The following BDP1 variants were observed in gnomAD, a reference collection of about 807,000 sequenced individuals.
The protein encoded by BDP1 is transcription factor TFIIIB component B'' homolog.
A neutral mutation model predicts 266.6 loss-of-function variants in BDP1; 169 were observed. That is an observed-to-expected ratio of 0.63 (90% CI 0.56 to 0.72). BDP1 has a LOEUF of 0.72. Among genes scored for constraint, BDP1 ranks in the 30% least tolerant of loss-of-function variants. The pLI, the probability that BDP1 is intolerant of heterozygous loss-of-function variation, is 0.00. For missense variants in BDP1, 3,015 were observed against 3,053.8 expected (o/e 0.99, Z 0.30); for synonymous variants, 1,090 against 1,022.4 (o/e 1.07, Z -1.26).
At chr5:71,460,474 G>T (rs1761482439) in intron 2 of BDP1, among the ~76,000 whole-genome samples, 1 of 152,068 alleles carries the variant, frequency 6.6e-6, no homozygotes, top group Admixed American at 6.6e-5. Flanking sequence ...ATGCCTCTTA[G>T]TTTTTTTTAA....
chr5:71,503,252 G>A (rs1464650840), intron 15 of BDP1, among the ~76,000 whole-genome samples: 5 of 152,104 alleles, frequency 3.3e-5, no homozygotes, highest in Non-Finnish European at 7.3e-5. Context: ...CTCCCAAAGT[G>A]CTAGGATTAC....
chr5:71,467,436 A>G lies in BDP1; in HGVS notation c.868A>G (p.Thr290Ala), dbSNP rs1168322805. The change falls in exon 6 of 39, where the codon ACA becomes GCA. Residue 290 changes from threonine (T) to alanine (A), a missense_variant. Thr to Ala is a moderately conservative substitution (Grantham distance 58, BLOSUM62 0). Transcript: ENST00000358731. The part of the protein sequence containing the change: ...DPIFERGSTT[T>A]YSSFRKNYYS... ...CATATTTGAGCGCGGTTCTACAACT[A>G]CATACTCCAGCTTTAGGAAAAACTA... is the stretch of plus-strand genomic sequence containing the variant. The G allele has an allele frequency of 7.5e-6, 12 of 1,610,474 alleles. No homozygotes were observed. The highest frequency in any genetic ancestry group is 1.0e-5 in the Non-Finnish European group (12 of 1,176,830).
In BDP1 at chr5:71,513,231, C is replaced by G; in HGVS notation, c.4294C>G (p.Pro1432Ala). The G allele has an allele frequency of 6.2e-7, 1 of 1,613,808 alleles. No individual in the cohort carries two copies. The highest frequency in any genetic ancestry group is 8.5e-7 in the Non-Finnish European group (1 of 1,180,000). ...GAAGCCACTTGAAATTAAACCAGCA[C>G]CTTTTGTGAGGAGCCGATTCAAAAG... ...EQKPLEIKPA[P>A]FVRSRFKRPK... Residue 1432 changes from proline to alanine, a missense_variant, in exon 19 of 39, where the codon CCT (proline) becomes GCT (alanine). Physicochemically the swap from Pro to Ala is conservative, Grantham distance 27 (BLOSUM62 -1). Coordinates refer to ENST00000358731, the MANE Select transcript of BDP1 (RefSeq NM_018429.3).
intron 4 of BDP1, among the ~76,000 whole-genome samples, chr5:71,464,810 C>G (rs1054989259): frequency 6.6e-5 from 10 of 150,568 alleles, no homozygotes; most frequent in Non-Finnish European, 1.0e-4. Context: ...CCTCTGCCTC[C>G]CGGGTTCAAG....
At chr5:71,477,784 A>C (rs1762683886) in intron 7 of BDP1, among the ~76,000 whole-genome samples, 1 of 151,068 alleles carries the variant, frequency 6.6e-6, no homozygotes, top group Non-Finnish European at 1.5e-5. Flanking sequence ...ATGCCCACCT[A>C]ATTTTTCTAT....
At position 71,486,607 on chromosome 5, in the gene BDP1, AACC is replaced by A; in HGVS notation, c.1196_1198del (p.Pro399del). 1 of 1,528,058 alleles carries A rather than the reference AACC, an allele frequency of 6.5e-7. No homozygotes were observed. Among genetic ancestry groups the A allele is most frequent in the Non-Finnish European group, 8.7e-7 (1 of 1,151,014 alleles). 94.7% of individuals were successfully genotyped at this position (1,528,058 alleles called of 1,614,324 possible). On this transcript the variant is annotated inframe_deletion, in exon 9 of 39. Coordinates refer to ENST00000358731, the MANE Select transcript of BDP1 (RefSeq NM_018429.3). ...AGTTTAAAGGAGAAGAAATCCACCA[AACC>A]ACGGAAAAATGTAAAAGGTATTGAT...
At chr5:71,563,014 T>G in intron 38 of BDP1, 1 of 522,740 alleles carries the variant, frequency 1.9e-6, no homozygotes, top group Non-Finnish European at 2.8e-6. Flanking sequence ...AGCATGAGCC[T>G]TTGGAAGGGG....
In BDP1 at chr5:71,510,465, A is replaced by G; in HGVS notation, c.3373A>G (p.Ile1125Val). The G allele has an allele frequency of 3.1e-6, 5 of 1,613,676 alleles. No homozygotes were observed. The highest frequency in any genetic ancestry group is 4.2e-6 in the Non-Finnish European group (5 of 1,179,910). ...AGATTTGAAAGCAACCGGAAGGGAG[A>G]TTTCCCCAAGGGAGAAGACACCAGA... ...QTDLKATGRE[I>V]SPREKTPEVI... The change falls in exon 17 of 39, where the codon ATT becomes GTT. Residue 1125 changes from isoleucine to valine, a missense_variant. Ile to Val is a conservative substitution (Grantham distance 29, BLOSUM62 3). Coordinates refer to ENST00000358731, the MANE Select transcript of BDP1 (RefSeq NM_018429.3).
chr5:71,524,968 C>T (rs1361420439), intron 25 of BDP1, among the ~76,000 whole-genome samples: 9 of 151,654 alleles, frequency 5.9e-5, no homozygotes, highest in Admixed American at 5.3e-4. Flanking sequence ...CACAGATCAA[C>T]AGGATCCCAA....
rs1743500303 is a variant in BDP1 at position 71,559,831 on chromosome 5, T to C, written c.7241-151T>C. ...TATTAACCAATTATAATATTCTTAATAATCCAAGTAACTCCACTAATGATA... is the reference window on the plus strand; with the variant it reads ...TATTAACCAATTATAATATTCTTAACAATCCAAGTAACTCCACTAATGATA... On this transcript the variant is annotated intron_variant, in intron 36 of 38. Transcript: ENST00000358731. The C allele has an allele frequency of 4.2e-6, 3 of 714,988 alleles. No homozygotes were observed. The East Asian group carries it at 8.1e-5, about 19-fold the overall frequency. 44.3% of individuals were successfully genotyped at this position (714,988 alleles called of 1,614,324 possible).
intron 4 of BDP1, among the ~76,000 whole-genome samples, chr5:71,465,705 A>G (rs1245501015): frequency 6.6e-6 from 1 of 152,080 alleles, no homozygotes; most frequent in African/African-American, 2.4e-5. Flanking sequence ...ACATCGTGAA[A>G]ACCCGTCTCT....
chr5:71,545,140 G>A lies in BDP1; in HGVS notation c.6665G>A (p.Gly2222Asp), dbSNP rs748579127. 1.2e-6 allele frequency: 2 copies of A among 1,613,868 alleles called. No homozygotes were observed. The highest frequency in any genetic ancestry group is 1.7e-6 in the Non-Finnish European group (2 of 1,179,924). ...TGPCTLGLDR[G>D]LGENSVEEPQ... is the part of the protein sequence containing the mutation. ...CCCTGCACACTTGGTTTGGATAGGG[G>A]TCTTGGTGAAAATTCTGTTGAAGAG... Residue 2222 changes from glycine (G) to aspartate (D), a missense_variant, in exon 32 of 39, where the codon GGT becomes GAT. Gly to Asp is a moderately conservative substitution (Grantham distance 94). This residue lies in a region of BDP1 where 629 missense variants were observed against 632.5 expected (regional missense o/e 0.99). Transcript: ENST00000358731.
At chr5:71,553,359 A>C in intron 35 of BDP1, 39 bp downstream of exon 35, 3 of 1,400,012 alleles carry the variant, frequency 2.1e-6, no homozygotes, top group Non-Finnish European at 2.0e-6. Flanking sequence ...ATGGCCATTA[A>C]GTAAGATGGC....
In BDP1 at chr5:71,502,688, C is replaced by T. The variant is rs368015863; in HGVS notation, c.2138C>T (p.Pro713Leu). ...QVRGRLQKPK[P>L]NAGKAAERKE... ...AGGGGCCGATTGCAAAAGCCAAAGC[C>T]AAATGCAGGTAAAGCTGCTGAAAGA... Residue 713 changes from proline to leucine, a missense_variant, in exon 15 of 39, where the codon CCA (proline) becomes CTA (leucine). Pro to Leu is a moderately conservative substitution (Grantham distance 98). This residue lies in a region of BDP1 where 2,383 missense variants were observed against 2,404.9 expected (regional missense o/e 0.99). Coordinates refer to ENST00000358731, the MANE Select transcript of BDP1 (RefSeq NM_018429.3). 7.4e-6 allele frequency: 12 copies of T among 1,613,922 alleles called. No homozygotes were observed. Among genetic ancestry groups the T allele is most frequent in the Non-Finnish European group, 1.0e-5 (12 of 1,179,986 alleles).
chr5:71,569,107 A>G (rs977664471), downstream of BDP1, among the ~76,000 whole-genome samples: 1 of 152,252 alleles, frequency 6.6e-6, no homozygotes, highest in Non-Finnish European at 1.5e-5. Flanking sequence ...GTCATTCCCC[A>G]AGACCAGTGG....
intron 25 of BDP1, among the ~76,000 whole-genome samples, chr5:71,526,653 C>A (rs1580147963): frequency 7.4e-6 from 1 of 134,528 alleles, no homozygotes; most frequent in Admixed American, 7.4e-5. Context: ...TGCTAAAATA[C>A]ATGTAACATA....
Position 71,510,190 on chromosome 5 carries a change from A to AG in BDP1, c.3100dup (p.Glu1034GlyfsTer8). On this transcript the variant is annotated frameshift_variant, in exon 17 of 39. Transcript: ENST00000358731. LOFTEE classifies it high-confidence loss of function. ...ACACCAGAGGTGATTGATGCTACTG[A>AG]GGAAATAGATTTGGAAGAAACTGAA... 2 of 1,614,036 alleles carry AG rather than the reference A, an allele frequency of 1.2e-6. No homozygotes were observed. The highest frequency in any genetic ancestry group is 1.7e-6 in the Non-Finnish European group (2 of 1,179,990).
intron 7 of BDP1, among the ~76,000 whole-genome samples, chr5:71,481,001 T>C (rs545448196): frequency 2.0e-5 from 3 of 152,172 alleles, no homozygotes; most frequent in East Asian, 3.9e-4. Flanking sequence ...ACAGAAACCC[T>C]GTCTCTACTA....
At chr5:71,469,806 A>T (rs1414125458) in intron 6 of BDP1, among the ~76,000 whole-genome samples, 1 of 143,006 alleles carries the variant, frequency 7.0e-6, no homozygotes, top group Non-Finnish European at 1.5e-5. Flanking sequence ...TAGCAGAGAC[A>T]GGGTTTCACC....
Sources: allele counts gnomAD v4.1 joint callset (sites outside exome capture counted in the v4.1 genomes callset), GRCh38; gene constraint gnomAD v4.1.1; regional missense constraint gnomAD v4.1.1; transcripts MANE v1.5; gene names NCBI Gene and HGNC (gene_info 2026-07-23, HGNC 2026-07-21).